Variants in ABTB3 observed in about 807,000 individuals in gnomAD.
ABTB3 encodes ankyrin repeat- and BTB/POZ domain-containing protein 3.
At chr12:107,550,440 C>T in the ABTB3 span, among the ~76,000 whole-genome samples, 9 of 149,146 alleles carry the variant, frequency 6.0e-5, no homozygotes, top group South Asian at 4.2e-4. Context: ...ATTATGGACT[C>T]GTAATATGGA....
At chr12:107,463,528 G>A in the ABTB3 span, among the ~76,000 whole-genome samples, 1 of 152,100 alleles carries the variant, frequency 6.6e-6, no homozygotes, top group Non-Finnish European at 1.5e-5. Context: ...AGATAACCAA[G>A]GCACAGCGGG....
At chr12:107,469,930 C>CTTTCTT in the ABTB3 span, among the ~76,000 whole-genome samples, 5 of 99,754 alleles carry the variant, frequency 5.0e-5, no homozygotes, top group Admixed American at 1.9e-4. Context: ...TTCTCTCTCT[C>CTTTCTT]TCTCTTTCTT....
the ABTB3 span, among the ~76,000 whole-genome samples, chr12:107,586,496 TGG>T: frequency 2.0e-5 from 3 of 152,156 alleles, no homozygotes; most frequent in Non-Finnish European, 4.4e-5. Context: ...ACTCTCCGGC[TGG>T]GCTGCCAACC....
At chr12:107,612,838 T>A in the ABTB3 span, 3 of 1,613,970 alleles carry the variant, frequency 1.9e-6, no homozygotes, top group Non-Finnish European at 2.5e-6. Context: ...GTTCAGATGC[T>A]GCTGGATGCC....
chr12:107,452,570 G>T, the ABTB3 span, among the ~76,000 whole-genome samples: 1 of 151,984 alleles, frequency 6.6e-6, no homozygotes, highest in African/African-American at 2.4e-5. Flanking sequence ...AGAAAATCAG[G>T]CCAGGCGCAG....
At chr12:107,349,380 C>T in the ABTB3 span, among the ~76,000 whole-genome samples, 39 of 152,298 alleles carry the variant, frequency 2.6e-4, no homozygotes, top group African/African-American at 8.2e-4. Context: ...GGATTCCAGA[C>T]GGGGAATGAT....
the ABTB3 span, among the ~76,000 whole-genome samples, chr12:107,331,373 A>G: frequency 1.3e-5 from 2 of 152,182 alleles, no homozygotes; most frequent in African/African-American, 4.8e-5. Flanking sequence ...ACAGATGTCA[A>G]ACTGCACCCA....
At chr12:107,648,537 A>G in the ABTB3 span, among the ~76,000 whole-genome samples, 2 of 152,200 alleles carry the variant, frequency 1.3e-5, no homozygotes, top group African/African-American at 2.4e-5. Flanking sequence ...AAGGGACACC[A>G]GTTTGCAAAG....
At chr12:107,564,588 C>A in the ABTB3 span, among the ~76,000 whole-genome samples, 1 of 152,178 alleles carries the variant, frequency 6.6e-6, no homozygotes, top group African/African-American at 2.4e-5. Context: ...GATCAAAACC[C>A]AAAGCTCTCT....
At chr12:107,607,032 G>T in the ABTB3 span, among the ~76,000 whole-genome samples, 1 of 152,124 alleles carries the variant, frequency 6.6e-6, no homozygotes, top group South Asian at 2.1e-4. Flanking sequence ...CTGCAGCAAG[G>T]GGTCCCCCCT....
the ABTB3 span, among the ~76,000 whole-genome samples, chr12:107,426,636 G>A: frequency 1.3e-5 from 2 of 152,232 alleles, no homozygotes; most frequent in East Asian, 3.9e-4. Flanking sequence ...GCATGCACTG[G>A]CCTTGCTGAG....
At chr12:107,488,586 T>C in the ABTB3 span, among the ~76,000 whole-genome samples, 2 of 151,958 alleles carry the variant, frequency 1.3e-5, no homozygotes, top group East Asian at 3.8e-4. Flanking sequence ...TGAACTTTTG[T>C]CTGATAGGCA....
chr12:107,628,303 G>A, the ABTB3 span, among the ~76,000 whole-genome samples: 1 of 152,146 alleles, frequency 6.6e-6, no homozygotes, highest in Admixed American at 6.5e-5. Flanking sequence ...CACCATGCCT[G>A]GCTAATTTTT....
the ABTB3 span, chr12:107,658,751 G>A: frequency 2.0e-5 from 3 of 152,544 alleles, no homozygotes; most frequent in African/African-American, 4.8e-5. Context: ...GGGGGAGGGG[G>A]GCAGCACGTC....
At chr12:107,486,606 G>C in the ABTB3 span, 1 of 151,808 alleles carries the variant, frequency 6.6e-6, no homozygotes, top group East Asian at 1.9e-4. Flanking sequence ...AGACAATATT[G>C]GGCATGTTCA....
At chr12:107,389,701 C>T in the ABTB3 span, among the ~76,000 whole-genome samples, 2 of 151,822 alleles carry the variant, frequency 1.3e-5, no homozygotes, top group African/African-American at 4.8e-5. Flanking sequence ...TTCTTCTGCT[C>T]CAACAACGTC....
the ABTB3 span, among the ~76,000 whole-genome samples, chr12:107,390,234 G>A: frequency 4.6e-5 from 7 of 152,120 alleles, no homozygotes; most frequent in African/African-American, 7.2e-5. Context: ...CCTACTGTGC[G>A]GTTTACCTAT....
the ABTB3 span, among the ~76,000 whole-genome samples, chr12:107,608,114 C>A: frequency 2.6e-5 from 4 of 152,300 alleles, no homozygotes; most frequent in African/African-American, 9.6e-5. Flanking sequence ...GGCTGACACA[C>A]CTGCCTCTGG....
At chr12:107,641,974 T>G in the ABTB3 span, 1 of 923,310 alleles carries the variant, frequency 1.1e-6, no homozygotes, top group Non-Finnish European at 1.8e-6. Flanking sequence ...CAGTGCTATA[T>G]TTCAGATTTG....
Sources: gnomAD v4.1 joint callset for allele counts (sites outside exome capture counted in the v4.1 genomes callset) on GRCh38, gnomAD v4.1.1 for gene constraint, MANE v1.5 for transcripts, NCBI Gene and HGNC (gene_info 2026-07-23, HGNC 2026-07-21) for gene names.